RUNDC3B: variants seen among roughly 807,000 people sequenced by gnomAD.
The protein encoded by RUNDC3B is RUN domain containing 3B.
Under a neutral mutation model 58.4 loss-of-function variants are expected in RUNDC3B, and 33 were observed. That is an observed-to-expected ratio of 0.56 (90% CI 0.43 to 0.75). RUNDC3B has a LOEUF of 0.75. RUNDC3B is among the 30% of genes least tolerant of loss of function. The pLI is 0.00. For synonymous variants in RUNDC3B, 193 were observed against 195.2 expected, an observed-to-expected ratio of 0.99 and a Z score of 0.10; for missense variants, 501 against 535.7, an observed-to-expected ratio of 0.94 and a Z score of 0.64.
intron 6 of RUNDC3B, among the ~76,000 whole-genome samples, chr7:87,751,904 A>G (rs890385100): frequency 1.1e-3 from 168 of 152,290 alleles, no homozygotes; most frequent in Non-Finnish European, 1.9e-3. Context: ...AGAACTTCCA[A>G]AACTATGTTG....
intron 2 of RUNDC3B, among the ~76,000 whole-genome samples, chr7:87,697,730 T>C (rs529739084): frequency 6.6e-6 from 1 of 152,318 alleles, no homozygotes; most frequent in Non-Finnish European, 1.5e-5. Context: ...ACATACATGA[T>C]CACATCTAAT....
chr7:87,740,119 T>A (rs1301132413), intron 5 of RUNDC3B, among the ~76,000 whole-genome samples: 1 of 152,082 alleles, frequency 6.6e-6, no homozygotes, highest in African/African-American at 2.4e-5. Context: ...AAAAGAAAAC[T>A]TAGACTATAT....
At chr7:87,629,068 C>A in intron 1 of RUNDC3B, 123 bp downstream of exon 1, 1 of 972,152 alleles carries the variant, frequency 1.0e-6, no homozygotes, top group Non-Finnish European at 1.4e-6. Flanking sequence ...GCCTATGTTG[C>A]GCCAGCCAAA....
intron 1 of RUNDC3B, among the ~76,000 whole-genome samples, chr7:87,632,512 C>T (rs1821325974): frequency 3.9e-5 from 6 of 152,046 alleles, no homozygotes; most frequent in Admixed American, 1.3e-4. Flanking sequence ...GATAGTAGGT[C>T]ATTTGAGGAC....
At chr7:87,672,034 T>C (rs1300073532) in intron 2 of RUNDC3B, among the ~76,000 whole-genome samples, 1 of 152,060 alleles carries the variant, frequency 6.6e-6, no homozygotes, top group Non-Finnish European at 1.5e-5. Context: ...CTGGGAGTCT[T>C]TTCTGCCCCT....
intron 2 of RUNDC3B, among the ~76,000 whole-genome samples, chr7:87,688,004 A>G (rs1365864291): frequency 1.3e-5 from 2 of 152,264 alleles, no homozygotes; most frequent in African/African-American, 4.8e-5. Context: ...ATATGAACAC[A>G]ATTCATCCAA....
intron 5 of RUNDC3B, among the ~76,000 whole-genome samples, 161 bp downstream of exon 5, chr7:87,740,041 A>G (rs1008015469): frequency 6.6e-6 from 1 of 152,126 alleles, no homozygotes; most frequent in Non-Finnish European, 1.5e-5. Flanking sequence ...TTTCTAAATG[A>G]GTTTGCTCTC....
intron 2 of RUNDC3B, among the ~76,000 whole-genome samples, chr7:87,689,576 G>T (rs1435598951): frequency 6.6e-6 from 1 of 151,834 alleles, no homozygotes; most frequent in East Asian, 1.9e-4. Context: ...AGCTAATATT[G>T]CTAATATTAC....
In RUNDC3B at chr7:87,777,899, T is replaced by C. The variant is rs1563203247; in HGVS notation, c.900T>C (p.Ala300=). ...LLQRIEDSDL[A]HKLEKEQLEY... ...AAAGGATTGAAGATTCCGATCTGGC[T>C]CATAAACTGGAGAAGGAACAATTAG... Residue 300 remains alanine, a synonymous_variant, in exon 8 of 11, where the codon GCT becomes GCC. Transcript: ENST00000394654. 2 of 1,613,512 alleles carry C rather than the reference T, an allele frequency of 1.2e-6. No homozygotes were observed. Among genetic ancestry groups the C allele is most frequent in the Non-Finnish European group, 1.7e-6 (2 of 1,179,678 alleles).
At chr7:87,712,016 G>A (rs185017055) in intron 4 of RUNDC3B, among the ~76,000 whole-genome samples, 114 of 152,108 alleles carry the variant, frequency 7.5e-4, no homozygotes, top group Non-Finnish European at 1.3e-3. Context: ...GAAAATCTGG[G>A]CATTTATTAT....
chr7:87,694,442 T>A (rs1010928723), intron 2 of RUNDC3B, among the ~76,000 whole-genome samples: 2 of 152,242 alleles, frequency 1.3e-5, no homozygotes, highest in African/African-American at 4.8e-5. Flanking sequence ...GCTGGACCTT[T>A]GTACTTAATG....
chr7:87,695,610 C>T (rs1828431649), intron 2 of RUNDC3B, among the ~76,000 whole-genome samples: 1 of 152,028 alleles, frequency 6.6e-6, no homozygotes, highest in South Asian at 2.1e-4. Context: ...TTTTAACTAA[C>T]AGAACTTTCA....
intron 6 of RUNDC3B, among the ~76,000 whole-genome samples, chr7:87,743,795 G>A (rs904882971): frequency 3.9e-5 from 6 of 151,982 alleles, no homozygotes; most frequent in African/African-American, 9.7e-5. Context: ...TCCTTTTGCC[G>A]TGCAAAAGCT....
At chr7:87,738,057 G>T (rs769728610) in intron 4 of RUNDC3B, among the ~76,000 whole-genome samples, 5 of 152,024 alleles carry the variant, frequency 3.3e-5, no homozygotes, top group Non-Finnish European at 7.4e-5. Context: ...TTAAACAATG[G>T]TAGGTTCAAG....
chr7:87,685,742 C>T (rs1827394567), intron 2 of RUNDC3B, among the ~76,000 whole-genome samples: 1 of 152,112 alleles, frequency 6.6e-6, no homozygotes, highest in Admixed American at 6.6e-5. Context: ...TGTTATGTGT[C>T]TCATAATCAT....
intron 4 of RUNDC3B, among the ~76,000 whole-genome samples, chr7:87,730,566 C>T (rs1304538676): frequency 6.6e-6 from 1 of 151,976 alleles, no homozygotes; most frequent in East Asian, 1.9e-4. Context: ...CAGGTAGATT[C>T]CCATGCTTCC....
At chr7:87,679,284 G>A (rs537553512) in intron 2 of RUNDC3B, among the ~76,000 whole-genome samples, 1 of 149,036 alleles carries the variant, frequency 6.7e-6, no homozygotes, top group Admixed American at 6.7e-5. Context: ...TAGTAGAGAC[G>A]GAGTTTCACA....
At chr7:87,683,509 A>ATT (rs1827141394) in intron 2 of RUNDC3B, among the ~76,000 whole-genome samples, 1 of 152,148 alleles carries the variant, frequency 6.6e-6, no homozygotes, top group African/African-American at 2.4e-5. Flanking sequence ...GCCTAATTTC[A>ATT]GTATTGTTGT....
At chr7:87,631,599 TAGCC>T (rs1821230261) in intron 1 of RUNDC3B, among the ~76,000 whole-genome samples, 1 of 152,212 alleles carries the variant, frequency 6.6e-6, no homozygotes, top group South Asian at 2.1e-4. Flanking sequence ...TTCACCGTAT[TAGCC>T]AGGATGGTCT....
Sources: gnomAD v4.1 joint callset for allele counts (sites outside exome capture counted in the v4.1 genomes callset) on GRCh38, gnomAD v4.1.1 for gene constraint, MANE v1.5 for transcripts, NCBI Gene and HGNC (gene_info 2026-07-23, HGNC 2026-07-21) for gene names.